Variants in CTNND2 observed in about 807,000 individuals in gnomAD.
The protein encoded by CTNND2 is catenin delta 2, also known as catenin delta-2.
Under a neutral mutation model 144.4 loss-of-function variants are expected in CTNND2, and 22 were observed. That is an observed-to-expected ratio of 0.15 (90% CI 0.11 to 0.22). The LOEUF (loss-of-function observed/expected upper bound fraction) is 0.22, where lower values mean the gene tolerates loss of function less well. CTNND2 is among the 10% of genes least tolerant of loss of function. The pLI is 1.00. For synonymous variants in CTNND2, 751 were observed against 695.6 expected, an observed-to-expected ratio of 1.08 and a Z score of -1.25; for missense variants, 1,353 against 1,618.8, an observed-to-expected ratio of 0.84 and a Z score of 2.82.
At chr5:11,460,100 T>C (rs1191559041) in intron 3 of CTNND2, among the ~76,000 whole-genome samples, 1 of 152,212 alleles carries the variant, frequency 6.6e-6, no homozygotes, top group African/African-American at 2.4e-5. Context: ...ACAGATTTAA[T>C]GGTCCTGTCT....
intron 2 of CTNND2, among the ~76,000 whole-genome samples, chr5:11,584,425 T>TGGG (rs202172529): frequency 1.6e-5 from 2 of 124,190 alleles, no homozygotes; most frequent in Non-Finnish European, 1.6e-5. Context: ...ATATTTTTTT[T>TGGG]GGGGGGGGGG....
At chr5:11,879,438 A>G (rs1363554935) in intron 1 of CTNND2, among the ~76,000 whole-genome samples, 1 of 149,376 alleles carries the variant, frequency 6.7e-6, no homozygotes, top group Non-Finnish European at 1.5e-5. Flanking sequence ...GAAAAGTTTG[A>G]TTTGCCTTTT....
chr5:11,855,835 T>C (rs939123792), intron 1 of CTNND2, among the ~76,000 whole-genome samples: 1 of 152,170 alleles, frequency 6.6e-6, no homozygotes, highest in Non-Finnish European at 1.5e-5. Context: ...ACAAGCTTTC[T>C]AGATGATGGG....
chr5:11,861,351 G>A (rs1650715516), intron 1 of CTNND2, among the ~76,000 whole-genome samples: 1 of 152,056 alleles, frequency 6.6e-6, no homozygotes, highest in African/African-American at 2.4e-5. Flanking sequence ...ATGATCTACT[G>A]AACCTCTCCC....
intron 3 of CTNND2, among the ~76,000 whole-genome samples, chr5:11,562,307 G>T (rs76643820): frequency 6.6e-6 from 1 of 151,984 alleles, no homozygotes; most frequent in African/African-American, 2.4e-5. Flanking sequence ...AAAAGTTGAC[G>T]TTCTATTTTT....
intron 9 of CTNND2, among the ~76,000 whole-genome samples, chr5:11,302,200 A>T (rs932264576): frequency 6.6e-6 from 1 of 152,058 alleles, no homozygotes; most frequent in African/African-American, 2.4e-5. Flanking sequence ...ATCAGTACTG[A>T]GAGGAAGGAA....
At chr5:11,531,139 G>A (rs2150054850) in intron 3 of CTNND2, among the ~76,000 whole-genome samples, 1 of 152,342 alleles carries the variant, frequency 6.6e-6, no homozygotes. Context: ...GGTGTGGTCA[G>A]GCAAGGATGG....
In CTNND2 at chr5:11,312,647, C is replaced by T. The variant is rs1420627768; in HGVS notation, c.1628+33725G>A. Among the ~76,000 whole-genome samples the T allele has an allele frequency of 2.6e-5, 4 of 152,062 alleles. 1 individual carries two copies. Among genetic ancestry groups the T allele is most frequent in the East Asian group, 1.9e-4 (1 of 5,154 alleles). On this transcript the variant is annotated intron_variant, in intron 9 of 21. Coordinates refer to ENST00000304623, the MANE Select transcript of CTNND2 (RefSeq NM_001332.4). ...GTGGGGACACAGCCAAACCATATCACTCCCCATACACCACCATCCCACATG... is the reference window on the plus strand; with the variant it reads ...GTGGGGACACAGCCAAACCATATCATTCCCCATACACCACCATCCCACATG...
In CTNND2 at chr5:11,184,463, C is replaced by T. The variant is rs139057337; in HGVS notation, c.1975+14985G>A. Among the ~76,000 whole-genome samples, 1,270 of 152,238 alleles carry T rather than the reference C, an allele frequency of 8.3e-3. 27 individuals are homozygous for T. The highest frequency in any genetic ancestry group is 0.029 in the African/African-American group (1,184 of 41,528). On this transcript the variant is annotated intron_variant, in intron 11 of 21. Coordinates refer to ENST00000304623, the MANE Select transcript of CTNND2 (RefSeq NM_001332.4). ...TTTTCTCAAAAAAAAATCCAACATG[C>T]ATGAAAGCCAAATACTATGTAGGGC...
At chr5:11,650,943 T>C (rs1042687955) in intron 2 of CTNND2, among the ~76,000 whole-genome samples, 21 of 152,162 alleles carry the variant, frequency 1.4e-4, no homozygotes, top group Admixed American at 1.2e-3. Context: ...AGCCTAACCA[T>C]GTGGTAGAAA....
intron 1 of CTNND2, among the ~76,000 whole-genome samples, chr5:11,812,302 T>A (rs1792378389): frequency 6.6e-6 from 1 of 152,196 alleles, no homozygotes; most frequent in Non-Finnish European, 1.5e-5. Context: ...CATTTTTAAT[T>A]CTGTGAAAAT....
intron 2 of CTNND2, among the ~76,000 whole-genome samples, chr5:11,689,423 A>C (rs1456152802): frequency 3.3e-5 from 5 of 152,216 alleles, no homozygotes; most frequent in Non-Finnish European, 7.3e-5. Context: ...CAAATTAAAT[A>C]ATACTTTACT....
chr5:11,782,238 T>A (rs1305784739), intron 1 of CTNND2, among the ~76,000 whole-genome samples: 1 of 152,176 alleles, frequency 6.6e-6, no homozygotes, highest in Non-Finnish European at 1.5e-5. Flanking sequence ...CAGTCTCGGA[T>A]ATTTCTATAT....
At chr5:11,527,910 G>C (rs1257720834) in intron 3 of CTNND2, among the ~76,000 whole-genome samples, 1 of 152,102 alleles carries the variant, frequency 6.6e-6, no homozygotes, top group Admixed American at 6.5e-5. Context: ...TTTATGACTT[G>C]GGTACGGCGC....
intron 10 of CTNND2, among the ~76,000 whole-genome samples, chr5:11,220,861 C>G (rs149832378): frequency 6.6e-6 from 1 of 152,282 alleles, no homozygotes; most frequent in East Asian, 1.9e-4. Flanking sequence ...AAGATTCTTT[C>G]AAACAATCTT....
chr5:11,200,140 G>A (rs957020288), intron 10 of CTNND2, among the ~76,000 whole-genome samples: 4 of 152,156 alleles, frequency 2.6e-5, no homozygotes, highest in Non-Finnish European at 5.9e-5. Context: ...CGAGAGACTG[G>A]AAGAATTGAC....
At chr5:11,591,442 G>A (rs1376506849) in intron 2 of CTNND2, among the ~76,000 whole-genome samples, 1 of 152,004 alleles carries the variant, frequency 6.6e-6, no homozygotes, top group Admixed American at 6.6e-5. Context: ...TACATCTATT[G>A]CCTTTTTTTC....
At chr5:11,377,965 A>AG (rs1271060771) in intron 7 of CTNND2, among the ~76,000 whole-genome samples, 2 of 152,216 alleles carry the variant, frequency 1.3e-5, no homozygotes, top group African/African-American at 4.8e-5. Flanking sequence ...GACTGGGCTT[A>AG]GCATGTATAA....
intron 9 of CTNND2, among the ~76,000 whole-genome samples, chr5:11,248,367 G>C (rs1041599505): frequency 6.6e-6 from 1 of 151,804 alleles, no homozygotes; most frequent in Admixed American, 6.6e-5. Context: ...GTGCATGTGG[G>C]CACATGTGTA....
Sources: allele counts gnomAD v4.1 joint callset (sites outside exome capture counted in the v4.1 genomes callset), GRCh38; gene constraint gnomAD v4.1.1; transcripts MANE v1.5; gene names NCBI Gene and HGNC (gene_info 2026-07-23, HGNC 2026-07-21).